The following THAP5 variants were observed in gnomAD, a reference collection of about 807,000 sequenced individuals.
THAP5 encodes the protein THAP domain-containing protein 5.
THAP5 carries 26 observed loss-of-function variants against 34.0 expected under a neutral mutation model. That is an observed-to-expected ratio of 0.77 (90% CI 0.56 to 1.06). THAP5 has a LOEUF of 1.06. THAP5 is among the 50% of genes least tolerant of loss of function. THAP5 has a pLI of 0.00. For synonymous variants in THAP5, 125 were observed against 153.0 expected, an observed-to-expected ratio of 0.82 and a Z score of 1.35; for missense variants, 394 against 452.8, an observed-to-expected ratio of 0.87 and a Z score of 1.18.
downstream of THAP5, among the ~76,000 whole-genome samples, chr7:108,551,918 C>T (rs770926445): frequency 1.3e-5 from 2 of 152,146 alleles, no homozygotes; most frequent in Non-Finnish European, 2.9e-5. Context: ...GAGTCCCCTA[C>T]CCGATGTTAA....
chr7:108,568,912 C>T (rs1790546006), intron 1 of THAP5, among the ~76,000 whole-genome samples: 1 of 152,184 alleles, frequency 6.6e-6, no homozygotes, highest in African/African-American at 2.4e-5. Flanking sequence ...GGAAATATAT[C>T]GTGGCTCTAG....
intron 1 of THAP5, chr7:108,554,995 T>G (rs1864376525): frequency 6.6e-6 from 1 of 152,190 alleles, no homozygotes; most frequent in Non-Finnish European, 1.5e-5. Flanking sequence ...ACACCTCTAA[T>G]CCACAGATAG....
At chr7:108,568,479 A>C (rs1162583247) in intron 1 of THAP5, 1 of 154,508 alleles carries the variant, frequency 6.5e-6, no homozygotes, top group Non-Finnish European at 1.5e-5. Context: ...TGCTGGGATT[A>C]CAGGCGTGAG....
chr7:108,549,833 A>G (rs1230901031), downstream of THAP5, among the ~76,000 whole-genome samples: 1 of 152,154 alleles, frequency 6.6e-6, no homozygotes, highest in African/African-American at 2.4e-5. Flanking sequence ...GAAGAACTTT[A>G]TGTTTCATTT....
chr7:108,551,303 C>G (rs1299067944), downstream of THAP5, among the ~76,000 whole-genome samples: 1 of 152,092 alleles, frequency 6.6e-6, no homozygotes, highest in Non-Finnish European at 1.5e-5. Context: ...TTGGAAGGTG[C>G]TTAGGTCATG....
downstream of THAP5, among the ~76,000 whole-genome samples, chr7:108,549,808 A>G (rs1186538692): frequency 6.6e-6 from 1 of 152,176 alleles, no homozygotes; most frequent in Non-Finnish European, 1.5e-5. Context: ...AGTTAATCTA[A>G]TGATTTCCAT....
At chr7:108,550,131 G>A (rs1410743661), downstream of THAP5, among the ~76,000 whole-genome samples, 2 of 152,138 alleles carry the variant, frequency 1.3e-5, no homozygotes, top group African/African-American at 4.8e-5. Context: ...GTCCAGAGGA[G>A]GCAATTTTTT....
At chr7:108,557,840 G>A (rs1197656748), downstream of THAP5, among the ~76,000 whole-genome samples, 1 of 152,122 alleles carries the variant, frequency 6.6e-6, no homozygotes, top group Non-Finnish European at 1.5e-5. Context: ...GTATTAGTCT[G>A]TTCTCACACT....
At chr7:108,558,391 A>ATATATATATATG (rs1864402458), downstream of THAP5, among the ~76,000 whole-genome samples, 1 of 120,328 alleles carries the variant, frequency 8.3e-6, no homozygotes. Flanking sequence ...GTATATATAT[A>ATATATATATATG]TATATATATA....
downstream of THAP5, among the ~76,000 whole-genome samples, chr7:108,553,856 A>G (rs967460371): frequency 6.6e-6 from 1 of 152,164 alleles, no homozygotes; most frequent in Non-Finnish European, 1.5e-5. Flanking sequence ...TCTGGTTGCC[A>G]CTGAGTGACC....
the THAP5 span, among the ~76,000 whole-genome samples, chr7:108,549,380 A>G: frequency 1.3e-5 from 2 of 152,152 alleles, no homozygotes; most frequent in East Asian, 3.9e-4. Context: ...TCGGCCTCCC[A>G]AAGTGCTGGG....
chr7:108,565,356 C>A lies in THAP5; in HGVS notation c.274-251G>T, dbSNP rs40944. 0.29 allele frequency: 83,322 copies of A among 283,916 alleles called. 13,087 individuals are homozygous for A. The highest frequency in any genetic ancestry group is 0.34 in the Non-Finnish European group (52,846 of 154,688). 17.6% of individuals were successfully genotyped at this position (283,916 alleles called of 1,614,324 possible). ...CCAAGGCAGGCAGATCAACTGAGGT[C>A]AGGAGTTCAAGACCAGCCTGGCTAA... On this transcript the variant is annotated intron_variant, in intron 2 of 2. Transcript: ENST00000415914.
intron 2 of THAP5, 132 bp from the exon 3 acceptor site, chr7:108,565,237 T>C (rs970324299): frequency 5.3e-5 from 34 of 646,114 alleles, no homozygotes; most frequent in Middle Eastern, 4.3e-4. Flanking sequence ...GCTCAGAGTA[T>C]ATATACCTTA....
the THAP5 span, among the ~76,000 whole-genome samples, chr7:108,544,789 C>G: frequency 1.3e-5 from 2 of 152,002 alleles, no homozygotes; most frequent in East Asian, 3.9e-4. Context: ...TCCTGAATAA[C>G]TGGGGCTACA....
intron 1 of THAP5, among the ~76,000 whole-genome samples, chr7:108,567,796 G>A (rs1382113116): frequency 6.6e-6 from 1 of 152,038 alleles, no homozygotes; most frequent in Non-Finnish European, 1.5e-5. Flanking sequence ...TTTATTTTGT[G>A]GATTACACAA....
the THAP5 span, among the ~76,000 whole-genome samples, chr7:108,545,793 A>G: frequency 6.6e-6 from 1 of 152,188 alleles, no homozygotes; most frequent in African/African-American, 2.4e-5. Flanking sequence ...CTTAGAGTCA[A>G]TATTTTGTGA....
At position 108,564,223 on chromosome 7, in the gene THAP5, G is replaced by A. The variant is rs760121304; in HGVS notation, c.1156C>T (p.His386Tyr). The change falls in exon 3 of 3, where the codon CAT (histidine) becomes TAT (tyrosine). Residue 386 changes from histidine to tyrosine, a missense_variant. Physicochemically the swap from His to Tyr is moderately conservative, Grantham distance 83 (BLOSUM62 2). Coordinates refer to ENST00000415914, the MANE Select transcript of THAP5 (RefSeq NM_001130475.3). ...ATAGTGACTTCATATGTTGTAAAAT[G>A]GTTTTCTATAATCTTGACGTTTTCT... is the stretch of plus-strand genomic sequence containing the variant. Reference protein sequence around the residue: ...SEENVKIIENHFTTYEVTMI With the variant: ...SEENVKIIENYFTTYEVTMI The A allele has an allele frequency of 2.8e-5, 45 of 1,601,138 alleles. No individual in the cohort carries two copies. Among genetic ancestry groups the A allele is most frequent in the African/African-American group, 2.7e-4 (20 of 73,746 alleles).
At chr7:108,568,994 T>C (rs1011028095) in intron 1 of THAP5, 1 of 538,068 alleles carries the variant, frequency 1.9e-6, no homozygotes, top group African/African-American at 2.1e-5. Flanking sequence ...GACTAGTTTA[T>C]AATTCTGGCT....
Position 108,564,171 on chromosome 7 carries a change from A to T in THAP5, c.*20T>A, listed in dbSNP as rs749205160. On this transcript the variant is annotated 3_prime_UTR_variant, in exon 3 of 3. Transcript: ENST00000415914. ...TGGAAAAAGCTTATTTAACAGCCAT[A>T]GTTTTAAAACCTAGTTATTCTATAT... is the stretch of plus-strand genomic sequence containing the variant. The T allele has an allele frequency of 3.9e-6, 6 of 1,526,064 alleles. 1 individual carries two copies. The South Asian group carries it at 7.7e-5, about 20-fold the overall frequency. 94.5% of individuals were successfully genotyped at this position (1,526,064 alleles called of 1,614,324 possible).
Sources: gnomAD v4.1 joint callset for allele counts (sites outside exome capture counted in the v4.1 genomes callset) on GRCh38, gnomAD v4.1.1 for gene constraint, MANE v1.5 for transcripts, NCBI Gene and HGNC (gene_info 2026-07-23, HGNC 2026-07-21) for gene names.